HDAC9: variants seen among roughly 807,000 people sequenced by gnomAD.
HDAC9 encodes MEF-2 interacting transcription repressor (MITR) protein.
HDAC9 carries 41 observed loss-of-function variants against 139.4 expected under a neutral mutation model. That is an observed-to-expected ratio of 0.29 (90% CI 0.23 to 0.38). The LOEUF is 0.38. Among genes scored for constraint, HDAC9 ranks in the 10% least tolerant of loss-of-function variants. The pLI is 1.00. For synonymous variants in HDAC9, 517 were observed against 476.2 expected (o/e 1.09, Z -1.12); for missense variants, 1,147 against 1,297.0 (o/e 0.88, Z 1.78).
chr7:18,206,348 A>T (rs997774380), intron 2 of HDAC9, among the ~76,000 whole-genome samples: 2 of 152,248 alleles, frequency 1.3e-5, no homozygotes, highest in African/African-American at 4.8e-5. Flanking sequence ...GACTATTAAA[A>T]TATAGAATAA....
rs545820240 is a variant in HDAC9, at chr7:18,562,158, TTGTC to T, written c.23-23119_23-23116del. Among the ~76,000 whole-genome samples, 427 of 152,294 alleles carry T rather than the reference TTGTC, an allele frequency of 2.8e-3. 2 individuals carry two copies. Among genetic ancestry groups the T allele is most frequent in the African/African-American group, 9.8e-3 (406 of 41,572 alleles). The stretch of plus-strand genomic sequence containing the variant: ...CTGGAGAAATGTCTTTTCAAGTTCT[TTGTC>T]TGTTTTTTAATTGGGTCATTTTTAT... On this transcript the variant is annotated intron_variant, in intron 2 of 25. Transcript: ENST00000686413.
chr7:18,778,410 A>G (rs1398308395), intron 16 of HDAC9, among the ~76,000 whole-genome samples: 1 of 151,988 alleles, frequency 6.6e-6, no homozygotes, highest in African/African-American at 2.4e-5. Flanking sequence ...CATTTCACAC[A>G]CCTACTGAGT....
intron 23 of HDAC9, among the ~76,000 whole-genome samples, chr7:18,953,497 C>A (rs191308235): frequency 1.3e-5 from 2 of 152,168 alleles, no homozygotes; most frequent in East Asian, 3.9e-4. Flanking sequence ...AGTGTAATTC[C>A]AGAAGATTAT....
At chr7:18,189,158 C>G (rs2128148250) in intron 2 of HDAC9, among the ~76,000 whole-genome samples, 1 of 152,266 alleles carries the variant, frequency 6.6e-6, no homozygotes, top group South Asian at 2.1e-4. Flanking sequence ...GAATACTGTG[C>G]ATCCATAAAA....
chr7:18,390,909 T>C (rs1370760662), intron 1 of HDAC9, among the ~76,000 whole-genome samples: 1 of 152,164 alleles, frequency 6.6e-6, no homozygotes, highest in Admixed American at 6.5e-5. Context: ...GCTAACATGA[T>C]GAGATCCTGT....
intron 1 of HDAC9, among the ~76,000 whole-genome samples, chr7:18,369,642 G>A (rs1400691118): frequency 6.6e-6 from 1 of 152,024 alleles, no homozygotes; most frequent in African/African-American, 2.4e-5. Flanking sequence ...CCTAAATGCT[G>A]TGGACTTTGC....
chr7:18,793,417 G>A lies in HDAC9; in HGVS notation c.2287G>A (p.Glu763Lys), dbSNP rs771313615. ...AARMAVGCVIELASKVASGEL... is the reference protein window; with the variant it reads ...AARMAVGCVIKLASKVASGEL... Reference sequence around the variant, plus strand: ...ACGCATGGCTGTTGGCTGTGTCATCGAGCTGGCTTCCAAAGTGGCCTCAGG... The same window carrying A: ...ACGCATGGCTGTTGGCTGTGTCATCAAGCTGGCTTCCAAAGTGGCCTCAGG... The change falls in exon 17 of 26, where the codon GAG becomes AAG. Residue 763 changes from glutamate (E) to lysine (K), a missense_variant. Transcript: ENST00000686413. 6.3e-6 allele frequency: 10 copies of A among 1,584,346 alleles called. No individual in the cohort carries two copies. The highest frequency in any genetic ancestry group is 4.0e-5 in the African/African-American group (3 of 74,306).
At chr7:18,727,912 C>A (rs924622265) in intron 13 of HDAC9, among the ~76,000 whole-genome samples, 155 bp downstream of exon 13, 3 of 152,216 alleles carry the variant, frequency 2.0e-5, no homozygotes, top group African/African-American at 4.8e-5. Context: ...GGCTATAAGA[C>A]AAACAGCACA....
At chr7:18,340,551 C>T (rs1045309695) in intron 1 of HDAC9, among the ~76,000 whole-genome samples, 3 of 151,378 alleles carry the variant, frequency 2.0e-5, no homozygotes, top group Non-Finnish European at 3.0e-5. Context: ...TTAGTTGTTA[C>T]TTCAGGATTT....
chr7:18,566,494 G>T (rs1822400797), intron 2 of HDAC9, among the ~76,000 whole-genome samples: 1 of 152,150 alleles, frequency 6.6e-6, no homozygotes, highest in South Asian at 2.1e-4. Flanking sequence ...TTCTGATAAA[G>T]ACTAAAAAAG....
At position 18,241,058 on chromosome 7, in the gene HDAC9, A is replaced by C. The variant is rs545884020; in HGVS notation, c.25+78709A>C. On this transcript the variant is annotated intron_variant, in intron 2 of 12. Transcript: ENST00000417496. ...AATTAGGAGATACCCTTAGGGGATT[A>C]GGGCTTCCCAGGTTCTAGAATTGAG... 1.2e-4 allele frequency among the ~76,000 whole-genome samples: 18 copies of C among 152,296 alleles called. 1 individual carries two copies. The highest frequency in any genetic ancestry group is 4.3e-4 in the African/African-American group (18 of 41,564).
intron 16 of HDAC9, among the ~76,000 whole-genome samples, chr7:18,788,626 A>G (rs3855596): frequency 0.73 from 111,084 of 151,606 alleles, 42,009 homozygotes; most frequent in Non-Finnish European, 0.83. Flanking sequence ...GTGGTGGCGG[A>G]TGCCTGAAAT....
At chr7:18,108,335 GC>G (rs1220305345) in intron 1 of HDAC9, among the ~76,000 whole-genome samples, 9 of 152,090 alleles carry the variant, frequency 5.9e-5, no homozygotes, top group Non-Finnish European at 1.5e-5. Context: ...GGAGATGGGC[GC>G]CATCATGGGA....
chr7:18,774,162 C>T (rs1001851682), intron 16 of HDAC9, among the ~76,000 whole-genome samples: 1 of 151,742 alleles, frequency 6.6e-6, no homozygotes, highest in African/African-American at 2.4e-5. Context: ...AGTGTCTTAA[C>T]TTTAAATAAA....
At chr7:18,284,968 G>A (rs1344701104) in intron 2 of HDAC9, among the ~76,000 whole-genome samples, 1 of 152,102 alleles carries the variant, frequency 6.6e-6, no homozygotes, top group African/African-American at 2.4e-5. Flanking sequence ...AAAGTTGGGT[G>A]GATTTCACCT....
intron 19 of HDAC9, among the ~76,000 whole-genome samples, chr7:18,831,931 TTA>T (rs1795885670): frequency 6.6e-6 from 1 of 152,250 alleles, no homozygotes; most frequent in Admixed American, 6.5e-5. Flanking sequence ...TTCAGCATTT[TTA>T]TATGTTTAGT....
At chr7:18,891,293 A>G (rs1457157964) in intron 22 of HDAC9, among the ~76,000 whole-genome samples, 1 of 152,210 alleles carries the variant, frequency 6.6e-6, no homozygotes, top group Non-Finnish European at 1.5e-5. Flanking sequence ...TATGAAATGT[A>G]GTTAATTTCA....
intron 22 of HDAC9, among the ~76,000 whole-genome samples, chr7:18,900,862 C>G (rs1563037976): frequency 6.6e-6 from 1 of 151,972 alleles, no homozygotes; most frequent in Non-Finnish European, 1.5e-5. Context: ...ACTGGATGCC[C>G]TTTTCTCATG....
intron 2 of HDAC9, among the ~76,000 whole-genome samples, chr7:18,179,606 T>A (rs1465007427): frequency 6.6e-6 from 1 of 152,192 alleles, no homozygotes; most frequent in Admixed American, 6.5e-5. Flanking sequence ...ACTCATTGGG[T>A]CTAAATAAAC....
Sources: allele counts gnomAD v4.1 joint callset (sites outside exome capture counted in the v4.1 genomes callset), GRCh38; gene constraint gnomAD v4.1.1; transcripts MANE v1.5; gene names NCBI Gene and HGNC (gene_info 2026-07-23, HGNC 2026-07-21).